The following PIGS variants were observed in gnomAD, a reference collection of about 807,000 sequenced individuals.
PIGS encodes the protein GPI-anchor transamidase component PIGS.
PIGS carries 37 observed loss-of-function variants against 58.2 expected under a neutral mutation model. That is an observed-to-expected ratio of 0.64 (90% confidence interval 0.49 to 0.84). The LOEUF (loss-of-function observed/expected upper bound fraction) is 0.84. Ranked by LOEUF, PIGS falls within the 40% of genes least tolerant of loss-of-function variation. The pLI, the probability that PIGS is intolerant of heterozygous loss-of-function variation, is 0.00. For synonymous variants in PIGS, 269 were observed against 289.2 expected (o/e 0.93, Z 0.71); for missense variants, 629 against 710.8 (o/e 0.88, Z 1.31).
At chr17:28,557,968 G>A (rs1318781128) in intron 8 of PIGS, among the ~76,000 whole-genome samples, 1 of 152,144 alleles carries the variant, frequency 6.6e-6, no homozygotes, top group Non-Finnish European at 1.5e-5. Context: ...AATGCTTTTG[G>A]ATATGATAGG....
At chr17:28,566,266 CTTTTCT>C (rs1447487345) in intron 3 of PIGS, among the ~76,000 whole-genome samples, 3 of 107,276 alleles carry the variant, frequency 2.8e-5, no homozygotes, top group Non-Finnish European at 3.7e-5. Context: ...TCTACTTTTT[CTTTTCT>C]TTTTTTTTTT....
chr17:28,554,405 C>T lies in PIGS; in HGVS notation c.1483G>A (p.Val495Met), dbSNP rs770657669. The T allele has an allele frequency of 1.2e-6, 2 of 1,614,160 alleles. No individual in the cohort carries two copies. Among genetic ancestry groups the T allele is most frequent in the Non-Finnish European group, 1.7e-6 (2 of 1,180,030 alleles). ...ASAFVASQEA[V>M]TSSELAFFDP... ...AAGAAGGCAAGCTCAGAGGATGTCA[C>T]AGCTTCCTGGCTGGCGACAAAGGCA... The change falls in exon 12 of 12, where the codon GTG (valine) becomes ATG (methionine). Residue 495 changes from valine (V) to methionine (M), a missense_variant. By Grantham distance (21) the Val-to-Met change is conservative (BLOSUM62 1). Coordinates refer to ENST00000308360, the MANE Select transcript of PIGS (RefSeq NM_033198.4).
At chr17:28,554,751 C>T in intron 11 of PIGS, 100 bp downstream of exon 11, 1 of 1,479,866 alleles carries the variant, frequency 6.8e-7, no homozygotes, top group Admixed American at 1.7e-5. Context: ...GGCAAGCCCA[C>T]ACATACCATG....
At chr17:28,556,023 G>T in intron 10 of PIGS, 143 bp downstream of exon 10, 1 of 681,600 alleles carries the variant, frequency 1.5e-6, no homozygotes, top group Middle Eastern at 3.9e-4. Flanking sequence ...AAGGATGATG[G>T]GATCCTTAGA....
intron 3 of PIGS, among the ~76,000 whole-genome samples, chr17:28,569,287 G>A (rs2070413198): frequency 6.6e-6 from 1 of 151,672 alleles, no homozygotes; most frequent in African/African-American, 2.4e-5. Context: ...GCAACATGGC[G>A]AAACCCTATC....
intron 3 of PIGS, 47 bp from the exon 4 acceptor site, chr17:28,563,954 C>T (rs375703234): frequency 9.0e-5 from 136 of 1,505,298 alleles, no homozygotes; most frequent in Admixed American, 1.8e-4. Context: ...AGCATCATGC[C>T]TCTGCCCACC....
intron 4 of PIGS, 27 bp from the exon 5 acceptor site, chr17:28,563,549 A>C (rs1428066674): frequency 1.9e-6 from 3 of 1,599,172 alleles, no homozygotes; most frequent in South Asian, 2.2e-5. Context: ...GTGGTACACC[A>C]AGAGCAAAAC....
Position 28,571,461 on chromosome 17 carries a change from A to G in PIGS, c.34+2T>C. On this transcript the variant is annotated splice_donor_variant, in intron 1 of 11. Coordinates refer to ENST00000308360, the MANE Select transcript of PIGS (RefSeq NM_033198.4). LOFTEE classifies it high-confidence loss of function. ...AGGCCCCCCACCCGAAGCCCACCGCACCTAGGTGTGTAGCCGCAGCCCCGG... is the reference window on the plus strand; with the variant it reads ...AGGCCCCCCACCCGAAGCCCACCGCGCCTAGGTGTGTAGCCGCAGCCCCGG... The G allele has an allele frequency of 5.0e-6, 8 of 1,609,546 alleles. No individual in the cohort carries two copies. The highest frequency in any genetic ancestry group is 2.2e-5 in the East Asian group (1 of 44,684).
chr17:28,571,411 T>A (rs2070428884), intron 1 of PIGS, 52 bp downstream of exon 1: 1 of 1,599,006 alleles, frequency 6.3e-7, no homozygotes, highest in Non-Finnish European at 8.5e-7. Flanking sequence ...CCCCTGCTAT[T>A]CCTCCCTTGC....
intron 6 of PIGS, among the ~76,000 whole-genome samples, chr17:28,561,191 G>T (rs1156240417): frequency 6.6e-6 from 1 of 152,122 alleles, no homozygotes; most frequent in Non-Finnish European, 1.5e-5. Context: ...CCGGGAGGCG[G>T]AGCTTGCAGT....
At chr17:28,554,522 ATACCAG>A (rs1256239100) in intron 11 of PIGS, 27 bp from the exon 12 acceptor site, 1 of 1,608,038 alleles carries the variant, frequency 6.2e-7, no homozygotes, top group Admixed American at 1.7e-5. Context: ...ACAAGAGGGT[ATACCAG>A]TAAGTCCTAG....
At chr17:28,555,603 A>G (rs1224623562) in intron 10 of PIGS, 1 of 168,100 alleles carries the variant, frequency 5.9e-6, no homozygotes, top group Admixed American at 5.5e-5. Context: ...CAGCATAAGA[A>G]TTAACAGCTA....
At chr17:28,570,761 T>C (rs1283551523) in intron 3 of PIGS, 91 bp downstream of exon 3, 2 of 1,244,798 alleles carry the variant, frequency 1.6e-6, no homozygotes, top group African/African-American at 3.0e-5. Flanking sequence ...AGTTTTTAAC[T>C]GCGTTTATGG....
At position 28,554,117 on chromosome 17, in the gene PIGS, C is replaced by A; in HGVS notation, c.*103G>T. ...GAGAGCCAACAGTGGAGACTGGAGA[C>A]AAATATTTAAGTCATTCCGGCAGGC... On this transcript the variant is annotated 3_prime_UTR_variant, in exon 12 of 12. Coordinates refer to ENST00000308360, the MANE Select transcript of PIGS (RefSeq NM_033198.4). 6.9e-7 allele frequency: 1 copy of A among 1,450,396 alleles called. No individual in the cohort carries two copies. 89.8% of individuals were successfully genotyped at this position (1,450,396 alleles called of 1,614,324 possible). A position where few individuals can be genotyped will look rare whatever the true frequency, so the allele number is the denominator to read the frequency against.
At chr17:28,562,734 G>A (rs1219615744) in intron 5 of PIGS, among the ~76,000 whole-genome samples, 2 of 150,714 alleles carry the variant, frequency 1.3e-5, no homozygotes, top group Non-Finnish European at 3.0e-5. Context: ...GCACCCGGCC[G>A]ATTCTTGTAT....
rs1383937286 is a variant in PIGS, at chr17:28,558,533, AG to A, written c.876del (p.Tyr293ThrfsTer84). On this transcript the variant is annotated frameshift_variant, in exon 8 of 12. Coordinates refer to ENST00000308360, the MANE Select transcript of PIGS (RefSeq NM_033198.4). LOFTEE classifies it high-confidence loss of function. The stretch of plus-strand genomic sequence containing the variant: ...GGGAGGCTGTGCATGTCCAAATAGT[AG>A]CTGGAGGAAGCTGAGTCAAAGCGGG... ...VNPRFDSASS[S>X]YYLDMHSLPH... The A allele has an allele frequency of 2.5e-6, 4 of 1,612,992 alleles. No homozygotes were observed. The African/African-American group carries it at 4.0e-5, about 16-fold the overall frequency.
chr17:28,557,117 C>G (rs2070335508), intron 8 of PIGS, 145 bp from the exon 9 acceptor site: 1 of 832,400 alleles, frequency 1.2e-6, no homozygotes, highest in African/African-American at 1.7e-5. Context: ...CAGGGTGTCT[C>G]TAGTAAAGGG....
At chr17:28,565,624 T>C (rs1305751501) in intron 3 of PIGS, among the ~76,000 whole-genome samples, 1 of 152,220 alleles carries the variant, frequency 6.6e-6, no homozygotes, top group Non-Finnish European at 1.5e-5. Context: ...GTGTGGTGGC[T>C]GATGCCTGTA....
chr17:28,563,600 AC>A, intron 4 of PIGS, 78 bp from the exon 5 acceptor site: 1 of 1,377,292 alleles, frequency 7.3e-7, no homozygotes, highest in Non-Finnish European at 1.0e-6. Context: ...TGCCTAACCC[AC>A]CCCTTCACTC....
Sources: allele counts gnomAD v4.1 joint callset (sites outside exome capture counted in the v4.1 genomes callset), GRCh38; gene constraint gnomAD v4.1.1; transcripts MANE v1.5; gene names NCBI Gene and HGNC (gene_info 2026-07-23, HGNC 2026-07-21).